Variants in GPC6 observed in about 807,000 individuals in gnomAD.
GPC6 encodes the protein glypican 6.
GPC6 carries 14 observed loss-of-function variants against 55.2 expected under a neutral mutation model. That is an observed-to-expected ratio of 0.25 (90% CI 0.17 to 0.40). The LOEUF is 0.40. GPC6 is among the 10% of genes least tolerant of loss of function. The pLI, the probability that GPC6 is intolerant of heterozygous loss-of-function variation, is 1.00. For synonymous variants in GPC6, 278 were observed against 259.6 expected, an observed-to-expected ratio of 1.07 and a Z score of -0.68; for missense variants, 641 against 708.5, an observed-to-expected ratio of 0.90 and a Z score of 1.08.
At chr13:94,190,309 GA>G (rs60188375) in intron 4 of GPC6, among the ~76,000 whole-genome samples, 41,703 of 145,446 alleles carry the variant, frequency 0.29, 6,518 homozygotes, top group African/African-American at 0.43. Flanking sequence ...GCAAGACTCT[GA>G]AAAAAAAAAA....
intron 7 of GPC6, among the ~76,000 whole-genome samples, chr13:94,393,448 G>C (rs1045940928): frequency 6.6e-6 from 1 of 152,184 alleles, no homozygotes; most frequent in African/African-American, 2.4e-5. Context: ...CATCTACTTA[G>C]ATGAGTAAAA....
At chr13:94,269,420 C>A (rs1192461638) in intron 4 of GPC6, among the ~76,000 whole-genome samples, 2 of 152,142 alleles carry the variant, frequency 1.3e-5, no homozygotes, top group African/African-American at 4.8e-5. Context: ...GAAAGCCTAC[C>A]TTTTATACCA....
At chr13:93,775,358 C>T (rs1384527621) in intron 2 of GPC6, among the ~76,000 whole-genome samples, 1 of 152,084 alleles carries the variant, frequency 6.6e-6, no homozygotes, top group African/African-American at 2.4e-5. Flanking sequence ...AAACTGAGGC[C>T]AAAAGAAGTT....
At chr13:93,348,679 G>T (rs1018089663) in intron 1 of GPC6, among the ~76,000 whole-genome samples, 2 of 152,118 alleles carry the variant, frequency 1.3e-5, no homozygotes, top group Non-Finnish European at 2.9e-5. Context: ...AAAAGATTTT[G>T]TCTTTTAGTG....
intron 3 of GPC6, among the ~76,000 whole-genome samples, chr13:93,888,559 G>A (rs574384543): frequency 3.0e-4 from 45 of 152,288 alleles, no homozygotes; most frequent in African/African-American, 1.1e-3. Context: ...GCTAGAATAT[G>A]TAGGCTGATA....
rs200445564 is a variant in GPC6, at chr13:93,531,006, A to G, written c.161-14257A>G. Among the ~76,000 whole-genome samples the G allele has an allele frequency of 3.9e-5, 6 of 152,180 alleles. No individual in the cohort carries two copies. In the East Asian group the frequency reaches 5.8e-4, roughly 15 times the overall value. ...TAACACAATACTGACTCCGTTTATA[A>G]TATCTCAGATACTGACACTGACGGA... On this transcript the variant is annotated intron_variant, in intron 1 of 8. Transcript: ENST00000377047.
chr13:94,330,415 A>G (rs1035446326), intron 6 of GPC6, among the ~76,000 whole-genome samples: 5 of 152,138 alleles, frequency 3.3e-5, no homozygotes, highest in Admixed American at 3.3e-4. Flanking sequence ...TGGGCCTCGT[A>G]TTTAGAGATG....
chr13:94,294,455 A>AAT, intron 5 of GPC6, among the ~76,000 whole-genome samples: 1 of 151,610 alleles, frequency 6.6e-6, no homozygotes, highest in East Asian at 1.9e-4. Context: ...AAAAAAAAAA[A>AAT]ACCCTAAGAG....
At chr13:93,858,537 A>G (rs1888701150) in intron 3 of GPC6, among the ~76,000 whole-genome samples, 1 of 151,542 alleles carries the variant, frequency 6.6e-6, no homozygotes, top group South Asian at 2.1e-4. Flanking sequence ...AGCTTCAGAA[A>G]TCTCAAAGAA....
In GPC6 at chr13:93,990,212, G is replaced by C. The variant is rs142101322; in HGVS notation, c.712-37517G>C. Among the ~76,000 whole-genome samples the C allele has an allele frequency of 3.1e-3, 467 of 151,528 alleles. 3 individuals carry two copies. The highest frequency in any genetic ancestry group is 0.011 in the African/African-American group (452 of 41,330). Reference sequence around the variant, plus strand: ...GAACAAATTTGGATTATGTTATTCAGATCAAAACATAATTCTACCCTCATG... The same window carrying C: ...GAACAAATTTGGATTATGTTATTCACATCAAAACATAATTCTACCCTCATG... On this transcript the variant is annotated intron_variant, in intron 3 of 8. Transcript: ENST00000377047.
At chr13:93,248,145 G>A (rs1438233780) in intron 1 of GPC6, among the ~76,000 whole-genome samples, 1 of 152,098 alleles carries the variant, frequency 6.6e-6, no homozygotes, top group African/African-American at 2.4e-5. Flanking sequence ...TGTATACAAA[G>A]GTTTCCAGTA....
chr13:93,702,914 C>T (rs556425517), intron 2 of GPC6, among the ~76,000 whole-genome samples: 1 of 152,066 alleles, frequency 6.6e-6, no homozygotes, highest in Non-Finnish European at 1.5e-5. Flanking sequence ...ACCCCTAAAA[C>T]TTTCTTCAGA....
intron 3 of GPC6, among the ~76,000 whole-genome samples, chr13:94,018,996 G>A (rs1158758491): frequency 1.3e-5 from 2 of 152,154 alleles, no homozygotes; most frequent in Non-Finnish European, 2.9e-5. Flanking sequence ...GTGCCAAAAG[G>A]GTTGGAGACT....
intron 4 of GPC6, among the ~76,000 whole-genome samples, chr13:94,230,680 C>T (rs1183634408): frequency 1.3e-5 from 2 of 152,176 alleles, no homozygotes; most frequent in African/African-American, 2.4e-5. Flanking sequence ...TGATCAGACT[C>T]ATCTCAGAGG....
intron 3 of GPC6, among the ~76,000 whole-genome samples, chr13:93,949,734 A>C (rs1879168212): frequency 1.3e-5 from 2 of 152,198 alleles, no homozygotes; most frequent in South Asian, 4.2e-4. Context: ...ATGATTTTTA[A>C]AAAATTTTTT....
At chr13:94,064,607 A>G (rs1278751845) in intron 4 of GPC6, among the ~76,000 whole-genome samples, 4 of 152,172 alleles carry the variant, frequency 2.6e-5, no homozygotes, top group Non-Finnish European at 5.9e-5. Context: ...TTTCAGAGCC[A>G]TAAAGCAAAG....
chr13:93,670,721 C>T (rs1287944996), intron 2 of GPC6, among the ~76,000 whole-genome samples: 1 of 152,220 alleles, frequency 6.6e-6, no homozygotes, highest in African/African-American at 2.4e-5. Flanking sequence ...AGACTGCTCT[C>T]ACTCAGTAAC....
At chr13:94,032,430 T>C (rs1883177665) in intron 4 of GPC6, among the ~76,000 whole-genome samples, 1 of 152,230 alleles carries the variant, frequency 6.6e-6, no homozygotes, top group Non-Finnish European at 1.5e-5. Context: ...ATTGGCATTG[T>C]CAAACATAAT....
intron 1 of GPC6, among the ~76,000 whole-genome samples, chr13:93,540,969 T>C (rs1190915602): frequency 6.6e-6 from 1 of 152,174 alleles, no homozygotes; most frequent in South Asian, 2.1e-4. Context: ...GCTATTTCGC[T>C]TAACATAATG....
Sources: allele counts gnomAD v4.1 joint callset (sites outside exome capture counted in the v4.1 genomes callset), GRCh38; gene constraint gnomAD v4.1.1; transcripts MANE v1.5; gene names NCBI Gene and HGNC (gene_info 2026-07-23, HGNC 2026-07-21).